The following KCND3 variants were observed in gnomAD, a reference collection of about 807,000 sequenced individuals.
The protein encoded by KCND3 is A-type voltage-gated potassium channel KCND3.
A neutral mutation model predicts 51.1 loss-of-function variants in KCND3; 9 were observed. The ratio of observed to expected loss-of-function variants is 0.18; its 90% CI spans 0.11 to 0.31. KCND3 has a LOEUF of 0.31. Among genes scored for constraint, KCND3 ranks in the 10% least tolerant of loss-of-function variants. The pLI, the probability that KCND3 is intolerant of heterozygous loss-of-function variation, is 1.00. For synonymous variants in KCND3, 349 were observed against 368.0 expected, an observed-to-expected ratio of 0.95 and a Z score of 0.59; for missense variants, 526 against 903.8, an observed-to-expected ratio of 0.58 and a Z score of 5.36.
At chr1:111,903,984 C>T (rs1049836930) in intron 2 of KCND3, among the ~76,000 whole-genome samples, 13 of 152,250 alleles carry the variant, frequency 8.5e-5, no homozygotes, top group Admixed American at 5.9e-4. Flanking sequence ...CAGAAGTGAG[C>T]GGAAGGACAA....
intron 2 of KCND3, among the ~76,000 whole-genome samples, chr1:111,849,965 C>T (rs983058294): frequency 6.6e-5 from 10 of 152,122 alleles, no homozygotes; most frequent in African/African-American, 1.9e-4. Flanking sequence ...TATCTTCCAT[C>T]GGATCTCCCT....
Position 111,776,177 on chromosome 1 carries a change from A to T in KCND3, c.1868T>A (p.Leu623Gln), listed in dbSNP as rs1411904783. ...AIISIPTPPA[L>Q]TPEGESRPPP... ...TGGCCGACTTTCCCCCTCTGGGGTT[A>T]GCGCTGGGGGAGTGGGGATGCTGAT... Residue 623 changes from leucine to glutamine, a missense_variant, in exon 8 of 8, where the codon CTA becomes CAA. Transcript: ENST00000302127. The T allele has an allele frequency of 6.2e-7, 1 of 1,613,890 alleles. No individual in the cohort carries two copies. The highest frequency in any genetic ancestry group is 2.2e-5 in the East Asian group (1 of 44,880).
chr1:111,956,270 T>C (rs1050368361), intron 2 of KCND3, among the ~76,000 whole-genome samples: 7 of 152,078 alleles, frequency 4.6e-5, no homozygotes, highest in African/African-American at 1.7e-4. Flanking sequence ...TCTGGAGCCC[T>C]GGGGAGACCA....
chr1:111,790,920 T>C (rs532433301), intron 2 of KCND3, among the ~76,000 whole-genome samples: 20 of 152,242 alleles, frequency 1.3e-4, no homozygotes, highest in Non-Finnish European at 2.5e-4. Context: ...TTTTTATGGC[T>C]GAATAACATT....
chr1:111,977,985 CA>C (rs779818723), intron 2 of KCND3, among the ~76,000 whole-genome samples: 1 of 152,274 alleles, frequency 6.6e-6, no homozygotes. Context: ...ACTCAGCTGT[CA>C]GGGGGCTCAA....
chr1:111,844,322 T>G (rs1275439558), intron 2 of KCND3, among the ~76,000 whole-genome samples: 1 of 152,212 alleles, frequency 6.6e-6, no homozygotes, highest in African/African-American at 2.4e-5. Context: ...CAATGCCACT[T>G]CAGAATTATT....
In KCND3 at chr1:111,982,712, A is replaced by T; in HGVS notation, c.15T>A (p.Val5=). The part of the protein sequence containing the change: MAAG[V]AAWLPFARAA... ...CCCGGGCAAAAGGCAGCCAGGCCGC[A>T]ACTCCGGCCGCCATGGTGACTCCAG... Residue 5 remains valine, a synonymous_variant, in exon 2 of 8, where the codon GTT becomes GTA. Coordinates refer to ENST00000302127, the MANE Select transcript of KCND3 (RefSeq NM_001378969.1). The surrounding 1 kb of genome is among the most constrained non-coding windows in gnomAD (Gnocchi z 8.5). 6.2e-7 allele frequency: 1 copy of T among 1,603,130 alleles called. No homozygotes were observed. The highest frequency in any genetic ancestry group is 1.3e-5 in the African/African-American group (1 of 74,994).
At chr1:111,879,743 T>C (rs1036289720) in intron 2 of KCND3, among the ~76,000 whole-genome samples, 32 of 152,252 alleles carry the variant, frequency 2.1e-4, no homozygotes, top group African/African-American at 7.5e-4. Context: ...GTCTCACTTA[T>C]CTATTCCAGT....
intron 2 of KCND3, among the ~76,000 whole-genome samples, chr1:111,805,135 G>T (rs748526384): frequency 2.6e-5 from 4 of 152,192 alleles, no homozygotes; most frequent in Non-Finnish European, 5.9e-5. Flanking sequence ...GACAGGCAGG[G>T]TTTATTTATT....
At chr1:111,829,503 T>C (rs1666735093) in intron 2 of KCND3, among the ~76,000 whole-genome samples, 1 of 152,132 alleles carries the variant, frequency 6.6e-6, no homozygotes. Flanking sequence ...GTGTCATTAA[T>C]TAAGTTGGAG....
chr1:111,847,053 A>G (rs1667581265), intron 2 of KCND3, among the ~76,000 whole-genome samples: 1 of 152,170 alleles, frequency 6.6e-6, no homozygotes, highest in African/African-American at 2.4e-5. Context: ...ATCTACAGGC[A>G]CTTATAACCT....
intron 2 of KCND3, among the ~76,000 whole-genome samples, chr1:111,881,932 A>G (rs1385577406): frequency 2.0e-5 from 3 of 152,100 alleles, no homozygotes; most frequent in African/African-American, 4.8e-5. Flanking sequence ...CTTGGCTCAG[A>G]GTCACATGGT....
At chr1:111,955,321 A>G (rs1473235520) in intron 2 of KCND3, among the ~76,000 whole-genome samples, 1 of 152,130 alleles carries the variant, frequency 6.6e-6, no homozygotes, top group East Asian at 1.9e-4. Context: ...GGCTGGGGCG[A>G]GAGGACTGCT....
At chr1:111,884,561 C>T (rs536585963) in intron 2 of KCND3, among the ~76,000 whole-genome samples, 5 of 152,254 alleles carry the variant, frequency 3.3e-5, no homozygotes, top group Middle Eastern at 3.4e-3. Context: ...AGAGAGGAGA[C>T]CACGCTGAGA....
intron 2 of KCND3, among the ~76,000 whole-genome samples, chr1:111,951,850 T>G (rs146637584): frequency 1.7e-4 from 26 of 152,264 alleles, no homozygotes; most frequent in African/African-American, 6.3e-4. Flanking sequence ...CAAAGGAACA[T>G]CCAAGGTGAT....
Position 111,775,737 on chromosome 1 carries a change from G to C in KCND3, c.*340C>G, listed in dbSNP as rs1571619208. ...TTTCCTCACTGGGGTCTCCAGAAAC[G>C]ACTGTTATTTGGTCTGAGTCTGAGG... On this transcript the variant is annotated 3_prime_UTR_variant, in exon 8 of 8. Transcript: ENST00000302127. The C allele has an allele frequency of 2.6e-6, 1 of 383,432 alleles. No homozygotes were observed. The allele number at this position is 383,432 out of a possible 1,614,324, so 23.8% of individuals were successfully genotyped here.
At chr1:111,804,938 G>A (rs1437100170) in intron 2 of KCND3, among the ~76,000 whole-genome samples, 1 of 152,128 alleles carries the variant, frequency 6.6e-6, no homozygotes, top group Non-Finnish European at 1.5e-5. Context: ...AGCACAGGAG[G>A]CGCCACCGCC....
At chr1:111,788,141 A>G (rs781517816) in intron 2 of KCND3, among the ~76,000 whole-genome samples, 1 of 152,256 alleles carries the variant, frequency 6.6e-6, no homozygotes, top group Non-Finnish European at 1.5e-5. Flanking sequence ...CATGCAGGCC[A>G]GAGCCTCTGT....
chr1:111,945,676 C>T (rs1342415055), intron 2 of KCND3, among the ~76,000 whole-genome samples: 1 of 152,234 alleles, frequency 6.6e-6, no homozygotes, highest in Non-Finnish European at 1.5e-5. Flanking sequence ...AGGGCTCTTG[C>T]CTCAGCTTCT....
Sources: gnomAD v4.1 joint callset for allele counts (sites outside exome capture counted in the v4.1 genomes callset) on GRCh38, gnomAD v4.1.1 for gene constraint, Gnocchi (gnomAD v3.1) non-coding constraint, MANE v1.5 for transcripts, NCBI Gene and HGNC (gene_info 2026-07-23, HGNC 2026-07-21) for gene names.